PRTG: variants seen among roughly 807,000 people sequenced by gnomAD.
PRTG encodes protogenin, also known as immunoglobulin superfamily, DCC subclass, member 5.
PRTG carries 67 observed loss-of-function variants against 122.5 expected under a neutral mutation model. The ratio of observed to expected loss-of-function variants is 0.55; its 90% CI spans 0.45 to 0.67. The LOEUF (loss-of-function observed/expected upper bound fraction) is 0.67, where lower values mean the gene tolerates loss of function less well. PRTG is among the 30% of genes least tolerant of loss of function. The pLI is 0.00. For missense variants in PRTG, 1,435 were observed against 1,415.4 expected (o/e 1.01, Z -0.22); for synonymous variants, 554 against 501.1 (o/e 1.11, Z -1.41).
Position 55,616,310 on chromosome 15 carries a change from A to T in PRTG, c.*3702T>A, listed in dbSNP as rs2059141545. The T allele has an allele frequency of 1.3e-5, 2 of 152,136 alleles. No homozygotes were observed. 9.4% of individuals were successfully genotyped at this position (152,136 alleles called of 1,614,324 possible). A position where few individuals can be genotyped will look rare whatever the true frequency, so the allele number is the denominator to read the frequency against. On this transcript the variant is annotated 3_prime_UTR_variant, in exon 20 of 20. Transcript: ENST00000389286. Reference sequence around the variant, plus strand: ...GAGCACATCTATCAAAGCATAGCCCACTTAAAGAATGACATGATTTGTTTG... The same window carrying T: ...GAGCACATCTATCAAAGCATAGCCCTCTTAAAGAATGACATGATTTGTTTG...
At position 55,611,845 on chromosome 15, in the gene PRTG, CCT is replaced by C. The variant is rs1028307264; in HGVS notation, c.*8165_*8166del. 7 of 152,074 alleles carry C rather than the reference CCT, an allele frequency of 4.6e-5. No individual in the cohort carries two copies. The East Asian group carries it at 1.2e-3, about 25-fold the overall frequency. 9.4% of individuals were successfully genotyped at this position (152,074 alleles called of 1,614,324 possible). Reference sequence around the variant, plus strand: ...GCAATGGCATTCACAGAACTGATCCCCTGAGTCAAGTATAAAATTAATATAGC... The same window carrying C: ...GCAATGGCATTCACAGAACTGATCCCGAGTCAAGTATAAAATTAATATAGC... On this transcript the variant is annotated 3_prime_UTR_variant, in exon 20 of 20. Coordinates refer to ENST00000389286, the MANE Select transcript of PRTG (RefSeq NM_173814.6).
At chr15:55,630,281 C>T (rs569902617) in intron 15 of PRTG, among the ~76,000 whole-genome samples, 133 of 152,158 alleles carry the variant, frequency 8.7e-4, no homozygotes, top group Admixed American at 2.0e-3. Context: ...CCACCACGCC[C>T]GGCCAATTCT....
chr15:55,705,172 T>C (rs1345998734), intron 2 of PRTG, among the ~76,000 whole-genome samples: 2 of 152,140 alleles, frequency 1.3e-5, no homozygotes, highest in Non-Finnish European at 2.9e-5. Context: ...AAAACTTAGC[T>C]TCAAGCTGCA....
rs530886258 is a variant in PRTG at position 55,672,425 on chromosome 15, T to G, written c.2041+20A>C. The stretch of plus-strand genomic sequence containing the variant: ...CAGAGAGGAAGGAAAAAGGGAAAAA[T>G]ACAGTACAAACTCACTCACCTAAGC... On this transcript the variant is annotated intron_variant, in intron 11 of 19. Transcript: ENST00000389286. 6.3e-7 allele frequency: 1 copy of G among 1,582,740 alleles called. No individual in the cohort carries two copies. Among genetic ancestry groups the G allele is most frequent in the Non-Finnish European group, 8.6e-7 (1 of 1,165,576 alleles).
intron 2 of PRTG, among the ~76,000 whole-genome samples, chr15:55,712,408 T>C (rs982580311): frequency 2.6e-4 from 39 of 152,050 alleles, no homozygotes; most frequent in African/African-American, 8.7e-4. Flanking sequence ...CTGTTTCGCC[T>C]ATGTGTTTCA....
chr15:55,637,247 A>G lies in PRTG; in HGVS notation c.2546T>C (p.Val849Ala), dbSNP rs2059262894. ...SWKPPDGPET[V>A]VTRYTILYAS... Reference sequence around the variant, plus strand: ...ATATAAGATAGTATAGCGGGTCACAACTGTTTCTGGGCCATCAGGGGGTTT... The same window carrying G: ...ATATAAGATAGTATAGCGGGTCACAGCTGTTTCTGGGCCATCAGGGGGTTT... Residue 849 changes from valine (V) to alanine (A), a missense_variant, in exon 15 of 20, where the codon GTT becomes GCT. By Grantham distance (64) the Val-to-Ala change is moderately conservative. Coordinates refer to ENST00000389286, the MANE Select transcript of PRTG (RefSeq NM_173814.6). 8 of 1,614,016 alleles carry G rather than the reference A, an allele frequency of 5.0e-6. No homozygotes were observed. Among genetic ancestry groups the G allele is most frequent in the Non-Finnish European group, 5.9e-6 (7 of 1,179,954 alleles).
chr15:55,737,224 A>G (rs1196330537), intron 2 of PRTG, among the ~76,000 whole-genome samples: 1 of 152,220 alleles, frequency 6.6e-6, no homozygotes, highest in African/African-American at 2.4e-5. Flanking sequence ...AGGGCATCCC[A>G]TGTCACTCCT....
At chr15:55,656,815 T>C (rs868358501) in intron 11 of PRTG, among the ~76,000 whole-genome samples, 3 of 152,220 alleles carry the variant, frequency 2.0e-5, no homozygotes, top group Admixed American at 1.3e-4. Context: ...AGTATAATTG[T>C]CTTAGTGGCC....
chr15:55,720,621 C>A (rs2141867798), intron 2 of PRTG, among the ~76,000 whole-genome samples: 1 of 152,192 alleles, frequency 6.6e-6, no homozygotes, highest in Non-Finnish European at 1.5e-5. Flanking sequence ...GGAGTTGATT[C>A]TGGGCCCCCA....
At chr15:55,686,031 G>C (rs1349352304) in intron 2 of PRTG, among the ~76,000 whole-genome samples, 1 of 152,120 alleles carries the variant, frequency 6.6e-6, no homozygotes, top group Non-Finnish European at 1.5e-5. Context: ...ATCCCCTGCT[G>C]TTTATCTACT....
chr15:55,644,896 G>A (rs1031860503), intron 11 of PRTG, among the ~76,000 whole-genome samples: 1 of 152,102 alleles, frequency 6.6e-6, no homozygotes, highest in African/African-American at 2.4e-5. Context: ...TTTTTCATAA[G>A]TGAACTACTC....
rs2059122970 is a variant in PRTG at position 55,612,125 on chromosome 15, ATG to A, written c.*7885_*7886del. ...TCTACTCTACTGATAGGCTAAGGCA[ATG>A]TGTGTGTATTCAGGCTTTGCAATTT... On this transcript the variant is annotated 3_prime_UTR_variant, in exon 20 of 20. Coordinates refer to ENST00000389286, the MANE Select transcript of PRTG (RefSeq NM_173814.6). The A allele has an allele frequency of 6.6e-6, 1 of 152,106 alleles. No individual in the cohort carries two copies. The allele number at this position is 152,106 out of a possible 1,614,324, so 9.4% of individuals were successfully genotyped here.
chr15:55,629,359 G>T (rs1285142906), intron 15 of PRTG, among the ~76,000 whole-genome samples: 1 of 74,560 alleles, frequency 1.3e-5, no homozygotes, highest in Non-Finnish European at 2.6e-5. Context: ...GTTTGGCTTT[G>T]TATATATATA....
At chr15:55,706,129 G>C (rs1004844846) in intron 2 of PRTG, among the ~76,000 whole-genome samples, 1 of 149,920 alleles carries the variant, frequency 6.7e-6, no homozygotes, top group African/African-American at 2.5e-5. Context: ...CAAAGTGTTG[G>C]GATTACAGGC....
At chr15:55,633,602 T>A (rs956515327) in intron 15 of PRTG, among the ~76,000 whole-genome samples, 1 of 152,208 alleles carries the variant, frequency 6.6e-6, no homozygotes, top group African/African-American at 2.4e-5. Context: ...ACTCTCCCTA[T>A]TCTTTTTTCC....
intron 2 of PRTG, among the ~76,000 whole-genome samples, chr15:55,712,270 A>C (rs2030417080): frequency 1.3e-5 from 2 of 152,246 alleles, no homozygotes; most frequent in African/African-American, 4.8e-5. Context: ...AAGATGGTGA[A>C]ATGAAATGGT....
chr15:55,706,373 C>T (rs915232725), intron 2 of PRTG, among the ~76,000 whole-genome samples: 2 of 151,694 alleles, frequency 1.3e-5, no homozygotes, highest in African/African-American at 2.4e-5. Context: ...GAAGGTGGAA[C>T]ATGGGTAAAG....
chr15:55,619,739 A>G lies in PRTG; in HGVS notation c.*273T>C, dbSNP rs997154892. ...TACACAAGTTTAAAAATAAAAAACA[A>G]AACACATTCAAAAAAAGCTAAAATA... On this transcript the variant is annotated 3_prime_UTR_variant, in exon 20 of 20. Coordinates refer to ENST00000389286, the MANE Select transcript of PRTG (RefSeq NM_173814.6). 1.7e-5 allele frequency: 7 copies of G among 415,300 alleles called. No homozygotes were observed. The highest frequency in any genetic ancestry group is 2.5e-5 in the Non-Finnish European group (6 of 238,000). The allele number at this position is 415,300 out of a possible 1,614,324, so 25.7% of individuals were successfully genotyped here. A position where few individuals can be genotyped will look rare whatever the true frequency, so the allele number is the denominator to read the frequency against.
intron 2 of PRTG, among the ~76,000 whole-genome samples, chr15:55,725,430 T>C (rs1447425240): frequency 3.3e-5 from 5 of 151,898 alleles, no homozygotes; most frequent in Admixed American, 6.6e-5. Context: ...CTTATCTCTA[T>C]AAAAAATACG....
Sources: allele counts gnomAD v4.1 joint callset (sites outside exome capture counted in the v4.1 genomes callset), GRCh38; gene constraint gnomAD v4.1.1; transcripts MANE v1.5; gene names NCBI Gene and HGNC (gene_info 2026-07-23, HGNC 2026-07-21).